Variants in FAM228B observed in about 807,000 individuals in gnomAD.
The protein encoded by FAM228B is protein FAM228B.
FAM228B carries 38 observed loss-of-function variants against 42.6 expected under a neutral mutation model. The observed-to-expected ratio is 0.89, with a 90% confidence interval of 0.69 to 1.17. The LOEUF is 1.17. Ranked by LOEUF, FAM228B falls within the 50% of genes most tolerant of loss-of-function variation. FAM228B has a pLI of 0.00. For missense variants in FAM228B, 344 were observed against 367.3 expected (o/e 0.94, Z 0.52); for synonymous variants, 109 against 122.3 (o/e 0.89, Z 0.72).
intron 2 of FAM228B, among the ~76,000 whole-genome samples, chr2:24,129,972 C>G (rs1008981625): frequency 1.2e-4 from 18 of 152,128 alleles, no homozygotes; most frequent in African/African-American, 3.4e-4. Context: ...TCACCCCCAG[C>G]CCTCGACTGG....
intron 1 of FAM228B, chr2:24,079,304 C>T (rs1190836427): frequency 1.2e-6 from 1 of 869,532 alleles, no homozygotes; most frequent in East Asian, 2.6e-5. Context: ...ATCGGGTTCC[C>T]TCTTTATCTT....
chr2:24,147,024 T>C lies in FAM228B; in HGVS notation c.624T>C (p.Thr208=), dbSNP rs1666910754. 1 of 1,551,412 alleles carries C rather than the reference T, an allele frequency of 6.4e-7. No homozygotes were observed. The highest frequency in any genetic ancestry group is 2.4e-5 in the East Asian group (1 of 40,872). Residue 208 remains threonine (T), a synonymous_variant, in exon 7 of 11, where the codon ACT becomes ACC. Coordinates refer to ENST00000615575, the MANE Select transcript of FAM228B (RefSeq NM_001145710.2). Reference sequence around the variant, plus strand: ...TTTCTAATTCAAGGCACTTTATAACTCCAAACGAGTGGCTGAAACTGCCTA... The same window carrying C: ...TTTCTAATTCAAGGCACTTTATAACCCCAAACGAGTGGCTGAAACTGCCTA... ...PQISNSRHFI[T]PNEWLKLPTR...
intron 7 of FAM228B, among the ~76,000 whole-genome samples, chr2:24,156,511 G>A (rs1421707532): frequency 1.3e-5 from 2 of 152,140 alleles, no homozygotes; most frequent in African/African-American, 4.8e-5. Flanking sequence ...GCACAAACCA[G>A]TGATCCCAGC....
At chr2:24,158,528 G>A (rs901518800) in intron 7 of FAM228B, among the ~76,000 whole-genome samples, 1 of 152,096 alleles carries the variant, frequency 6.6e-6, no homozygotes, top group Non-Finnish European at 1.5e-5. Context: ...GCTGAGGAGG[G>A]GGTGAGATGC....
chr2:24,147,055 T>C lies in FAM228B; in HGVS notation c.655T>C (p.Tyr219His), dbSNP rs1383903675. 2 of 1,551,086 alleles carry C rather than the reference T, an allele frequency of 1.3e-6. No homozygotes were observed. The highest frequency in any genetic ancestry group is 1.7e-6 in the Non-Finnish European group (2 of 1,146,634). ...CGAGTGGCTGAAACTGCCTACAAGA[T>C]ACATAGAAAGTGAATTTTGTAGAAG... ...PNEWLKLPTR[Y>H]IESEFCRRRR... The change falls in exon 7 of 11, where the codon TAC becomes CAC. Residue 219 changes from tyrosine (Y) to histidine (H), a missense_variant. Physicochemically the swap from Tyr to His is moderately conservative, Grantham distance 83. Transcript: ENST00000615575.
At chr2:24,096,680 G>A (rs1459608695) in intron 3 of FAM228B, 1 of 152,162 alleles carries the variant, frequency 6.6e-6, no homozygotes, top group Non-Finnish European at 1.5e-5. Context: ...GAAGTGATGG[G>A]GAGAATGGAA....
intron 7 of FAM228B, among the ~76,000 whole-genome samples, chr2:24,148,572 T>A (rs1363027141): frequency 6.6e-6 from 1 of 152,178 alleles, no homozygotes; most frequent in Non-Finnish European, 1.5e-5. Flanking sequence ...CCTTTTTTTT[T>A]AATTTGTAAA....
intron 5 of FAM228B, among the ~76,000 whole-genome samples, chr2:24,144,090 G>A (rs180717033): frequency 5.3e-5 from 8 of 152,138 alleles, no homozygotes; most frequent in African/African-American, 1.7e-4. Flanking sequence ...AGGTGTCTCC[G>A]GACTTATAAT....
At chr2:24,085,263 A>G (rs1285577988) in intron 2 of FAM228B, 1 of 152,068 alleles carries the variant, frequency 6.6e-6, no homozygotes, top group Non-Finnish European at 1.5e-5. Context: ...TGGGATCCTT[A>G]TCACTCGCCT....
At chr2:24,088,467 C>G (rs1022652068) in intron 2 of FAM228B, among the ~76,000 whole-genome samples, 3 of 152,150 alleles carry the variant, frequency 2.0e-5, no homozygotes, top group Non-Finnish European at 4.4e-5. Flanking sequence ...TCTCCTGCCT[C>G]AGCCTCCCAA....
chr2:24,151,054 ACT>A (rs1667009093), intron 7 of FAM228B, among the ~76,000 whole-genome samples: 2 of 151,554 alleles, frequency 1.3e-5, no homozygotes, highest in South Asian at 4.2e-4. Context: ...AAGGCCAATA[ACT>A]CTTAGATTTG....
chr2:24,104,361 G>A (rs139805634), intron 3 of FAM228B, among the ~76,000 whole-genome samples: 95 of 152,350 alleles, frequency 6.2e-4, no homozygotes, highest in African/African-American at 2.2e-3. Flanking sequence ...TATAAGCCTT[G>A]GGCCCTGGGG....
intron 5 of FAM228B, among the ~76,000 whole-genome samples, chr2:24,144,873 G>T (rs918398050): frequency 6.6e-6 from 1 of 152,112 alleles, no homozygotes; most frequent in African/African-American, 2.4e-5. Context: ...TCTGCAGGGG[G>T]CTAGGGGATT....
intron 2 of FAM228B, among the ~76,000 whole-genome samples, chr2:24,129,514 A>G (rs1666401659): frequency 6.6e-6 from 1 of 150,526 alleles, no homozygotes; most frequent in African/African-American, 2.4e-5. Flanking sequence ...TCTGTTTATT[A>G]TTTTCTAATC....
rs1222377668 is a variant in FAM228B, at chr2:24,077,051, GC to G, written c.-290+83del. The G allele has an allele frequency of 6.4e-6, 1 of 155,066 alleles. No individual in the cohort carries two copies. The highest frequency in any genetic ancestry group is 1.4e-5 in the Non-Finnish European group (1 of 72,454). 9.6% of individuals were successfully genotyped at this position (155,066 alleles called of 1,614,324 possible). On this transcript the variant is annotated intron_variant, in intron 1 of 10. Transcript: ENST00000613899. The surrounding 1 kb of genome is among the most constrained non-coding windows in gnomAD (Gnocchi z 5.5). ...AGAAGTGTAGCAGGAGGTGGTTGGG[GC>G]TGAGGAAAGTGGTGGAGGTGGGGCG...
At chr2:24,154,647 C>T (rs1485128895) in intron 7 of FAM228B, among the ~76,000 whole-genome samples, 1 of 152,078 alleles carries the variant, frequency 6.6e-6, no homozygotes, top group Non-Finnish European at 1.5e-5. Context: ...GAGAAGAAGC[C>T]ACCCTTTCCT....
At chr2:24,102,496 G>T (rs553630219) in intron 3 of FAM228B, among the ~76,000 whole-genome samples, 13 of 152,324 alleles carry the variant, frequency 8.5e-5, no homozygotes, top group African/African-American at 3.1e-4. Flanking sequence ...CCAGCACTTT[G>T]GAAGCCCAAG....
At chr2:24,125,132 G>A (rs572225844) in intron 2 of FAM228B, among the ~76,000 whole-genome samples, 37 of 152,246 alleles carry the variant, frequency 2.4e-4, no homozygotes, top group Non-Finnish European at 3.8e-4. Flanking sequence ...ATCCCAGCAC[G>A]TTGGGAGGCT....
At chr2:24,093,453 C>T (rs1665431527) in intron 2 of FAM228B, among the ~76,000 whole-genome samples, 1 of 152,202 alleles carries the variant, frequency 6.6e-6, no homozygotes, top group Non-Finnish European at 1.5e-5. Context: ...TTTCCAGCTT[C>T]ATCCATGTCC....
Sources: allele counts gnomAD v4.1 joint callset (sites outside exome capture counted in the v4.1 genomes callset), GRCh38; gene constraint gnomAD v4.1.1; non-coding constraint Gnocchi (gnomAD v3.1); transcripts MANE v1.5; gene names NCBI Gene and HGNC (gene_info 2026-07-23, HGNC 2026-07-21).